The following SLIT3 variants were observed in gnomAD, a reference collection of about 807,000 sequenced individuals.
SLIT3 encodes the protein slit guidance ligand 3.
Under a neutral mutation model 184.0 loss-of-function variants are expected in SLIT3, and 68 were observed. The ratio of observed to expected loss-of-function variants is 0.37; its 90% CI spans 0.30 to 0.45. SLIT3 has a LOEUF of 0.45. Among genes scored for constraint, SLIT3 ranks in the 20% least tolerant of loss-of-function variants. The pLI is 1.00. For synonymous variants in SLIT3, 831 were observed against 828.6 expected, an observed-to-expected ratio of 1.00 and a Z score of -0.05; for missense variants, 1,707 against 2,026.0, an observed-to-expected ratio of 0.84 and a Z score of 3.02.
chr5:168,688,925 A>C (rs1318219378), intron 29 of SLIT3, among the ~76,000 whole-genome samples: 1 of 152,228 alleles, frequency 6.6e-6, no homozygotes, highest in East Asian at 1.9e-4. Context: ...GATAAAATCC[A>C]ATATTTTAAG....
intron 4 of SLIT3, among the ~76,000 whole-genome samples, chr5:169,188,424 T>C (rs1293271327): frequency 2.6e-5 from 4 of 152,182 alleles, no homozygotes; most frequent in Non-Finnish European, 1.5e-5. Flanking sequence ...GAGAAATTAA[T>C]AGCCCATAGG....
At chr5:169,037,824 G>T (rs1262585603) in intron 4 of SLIT3, 1 of 152,236 alleles carries the variant, frequency 6.6e-6, no homozygotes, top group Admixed American at 6.5e-5. Context: ...CTCGTCCTCC[G>T]GACATCTGTG....
At chr5:168,958,762 G>T (rs1203083594) in intron 4 of SLIT3, among the ~76,000 whole-genome samples, 1 of 152,252 alleles carries the variant, frequency 6.6e-6, no homozygotes, top group Non-Finnish European at 1.5e-5. Context: ...AATGGTTTGT[G>T]TGTGCTGTGG....
chr5:168,735,004 T>G (rs1169895761), intron 20 of SLIT3, among the ~76,000 whole-genome samples: 3 of 152,066 alleles, frequency 2.0e-5, no homozygotes, highest in South Asian at 2.1e-4. Context: ...TGGGGAGAGC[T>G]CTCTTTGTAG....
chr5:168,710,172 T>C (rs1478310657), intron 25 of SLIT3: 1 of 152,176 alleles, frequency 6.6e-6, no homozygotes, highest in Non-Finnish European at 1.5e-5. Flanking sequence ...AGACTGCGCA[T>C]TCTGGAATCA....
At chr5:168,707,445 C>T (rs1762406560) in intron 26 of SLIT3, 1 of 155,862 alleles carries the variant, frequency 6.4e-6, no homozygotes, top group Non-Finnish European at 1.4e-5. Flanking sequence ...ACTGGGATCT[C>T]ATCCTCTTGC....
intron 4 of SLIT3, among the ~76,000 whole-genome samples, chr5:169,129,940 C>T (rs1761236890): frequency 6.6e-6 from 1 of 152,086 alleles, no homozygotes; most frequent in African/African-American, 2.4e-5. Flanking sequence ...CCTCCACCTC[C>T]TGGGTTCGAG....
chr5:169,137,331 C>G (rs62376877), intron 4 of SLIT3, among the ~76,000 whole-genome samples: 15,751 of 130,350 alleles, frequency 0.12, 966 homozygotes, highest in Non-Finnish European at 0.14. Flanking sequence ...CACACACACA[C>G]ACACAGAGAG....
At chr5:169,129,477 G>A (rs535936325) in intron 4 of SLIT3, among the ~76,000 whole-genome samples, 1 of 152,194 alleles carries the variant, frequency 6.6e-6, no homozygotes, top group Admixed American at 6.5e-5. Flanking sequence ...TCTTGAACCC[G>A]GGAGGCAGAG....
chr5:168,933,437 G>A (rs1762058639), intron 4 of SLIT3, among the ~76,000 whole-genome samples: 1 of 152,168 alleles, frequency 6.6e-6, no homozygotes, highest in Admixed American at 6.5e-5. Flanking sequence ...AGCCACTCAG[G>A]CGGCTGAGAC....
chr5:168,877,702 A>G (rs572956940), intron 5 of SLIT3, among the ~76,000 whole-genome samples: 2 of 152,198 alleles, frequency 1.3e-5, no homozygotes, highest in South Asian at 2.1e-4. Context: ...CTGCCTGCCC[A>G]GCTTTGTTTT....
At chr5:168,973,534 C>A (rs556590048) in intron 4 of SLIT3, among the ~76,000 whole-genome samples, 44 of 152,354 alleles carry the variant, frequency 2.9e-4, no homozygotes, top group African/African-American at 9.9e-4. Context: ...GCGTGAGCCA[C>A]CATGCCTGGC....
intron 5 of SLIT3, among the ~76,000 whole-genome samples, chr5:168,874,812 T>C (rs1366023917): frequency 1.3e-5 from 2 of 152,240 alleles, no homozygotes; most frequent in Non-Finnish European, 2.9e-5. Context: ...GAAATTTAAC[T>C]AATCAGCTGG....
intron 4 of SLIT3, among the ~76,000 whole-genome samples, chr5:169,064,336 G>T (rs1355936107): frequency 2.0e-5 from 3 of 152,162 alleles, no homozygotes; most frequent in Non-Finnish European, 4.4e-5. Context: ...ATGGAAACTT[G>T]TCTTCTCTGA....
chr5:169,175,090 T>C (rs1762936030), intron 4 of SLIT3, among the ~76,000 whole-genome samples: 1 of 152,088 alleles, frequency 6.6e-6, no homozygotes, highest in African/African-American at 2.4e-5. Flanking sequence ...CCATAGACAA[T>C]GAACAATGAC....
intron 14 of SLIT3, among the ~76,000 whole-genome samples, chr5:168,765,265 T>G (rs1755303346): frequency 6.6e-6 from 1 of 152,230 alleles, no homozygotes; most frequent in African/African-American, 2.4e-5. Context: ...CTCAGTAGTA[T>G]AGTTAGATTA....
At chr5:168,797,229 C>A (rs942465741) in intron 9 of SLIT3, among the ~76,000 whole-genome samples, 1 of 152,074 alleles carries the variant, frequency 6.6e-6, no homozygotes, top group East Asian at 1.9e-4. Flanking sequence ...GTTCCAAGGA[C>A]ATGCTCATTT....
chr5:169,115,935 G>A (rs981517611), intron 4 of SLIT3, among the ~76,000 whole-genome samples: 1 of 152,104 alleles, frequency 6.6e-6, no homozygotes, highest in African/African-American at 2.4e-5. Context: ...GCAAAGAGGT[G>A]GACAACAGTC....
intron 4 of SLIT3, among the ~76,000 whole-genome samples, chr5:168,984,456 T>C (rs1044714810): frequency 1.2e-4 from 19 of 152,218 alleles, no homozygotes; most frequent in African/African-American, 4.3e-4. Flanking sequence ...CCCTCTCTTT[T>C]GGCTCACTTT....
Sources: allele counts gnomAD v4.1 joint callset (sites outside exome capture counted in the v4.1 genomes callset), GRCh38; gene constraint gnomAD v4.1.1; transcripts MANE v1.5; gene names NCBI Gene and HGNC (gene_info 2026-07-23, HGNC 2026-07-21).